The following TIAM2 variants were observed in gnomAD, a reference collection of about 807,000 sequenced individuals.
TIAM2 encodes TIAM Rac1 associated GEF 2.
Under a neutral mutation model 152.9 loss-of-function variants are expected in TIAM2, and 80 were observed. That is an observed-to-expected ratio of 0.52 (90% CI 0.44 to 0.63). The LOEUF (loss-of-function observed/expected upper bound fraction) is 0.63. Ranked by LOEUF, TIAM2 falls within the 30% of genes least tolerant of loss-of-function variation. The pLI, the probability that TIAM2 is intolerant of heterozygous loss-of-function variation, is 0.00. For missense variants in TIAM2, 1,965 were observed against 2,120.1 expected, an observed-to-expected ratio of 0.93 and a Z score of 1.44; for synonymous variants, 804 against 838.0, an observed-to-expected ratio of 0.96 and a Z score of 0.70.
At chr6:155,247,959 C>T in intron 19 of TIAM2, 41 bp from the exon 20 acceptor site, 1 of 1,587,696 alleles carries the variant, frequency 6.3e-7, no homozygotes, top group South Asian at 1.1e-5. Context: ...TTAATTCACC[C>T]CACTGTGCTC....
At chr6:155,073,669 GAA>G (rs924130111) in intron 1 of TIAM2, among the ~76,000 whole-genome samples, 2 of 148,160 alleles carry the variant, frequency 1.3e-5, no homozygotes, top group Non-Finnish European at 3.0e-5. Flanking sequence ...CAGCTGAGAA[GAA>G]AAAAAAAAGA....
At chr6:155,106,026 A>ATTTTATTTTATTTTTTT (rs1778679896) in intron 2 of TIAM2, among the ~76,000 whole-genome samples, 2 of 34,080 alleles carry the variant, frequency 5.9e-5, no homozygotes, top group Non-Finnish European at 1.2e-4. Context: ...TATTTTTTTG[A>ATTTTATTTTATTTTTTT]GAGAGAGTCT....
rs896685987 is a variant in TIAM2 at position 155,217,163 on chromosome 6, C to T, written c.3168+5856C>T. 5 of 1,274,360 alleles carry T rather than the reference C, an allele frequency of 3.9e-6. No homozygotes were observed. The Admixed American group carries it at 1.2e-4, about 32-fold the overall frequency. The allele number at this position is 1,274,360 out of a possible 1,614,324, so 78.9% of individuals were successfully genotyped here. A position where few individuals can be genotyped will look rare whatever the true frequency, so the allele number is the denominator to read the frequency against. On this transcript the variant is annotated intron_variant, in intron 15 of 26. Transcript: ENST00000682666. The stretch of plus-strand genomic sequence containing the variant: ...AATGTAGGCATGCTTGCACGGTTTC[C>T]TTTTCTTGATTGAAAGTTGATTTTG...
chr6:155,162,407 C>T (rs1780295497), intron 7 of TIAM2, among the ~76,000 whole-genome samples: 1 of 152,102 alleles, frequency 6.6e-6, no homozygotes, highest in Non-Finnish European at 1.5e-5. Context: ...TATTAGAAGA[C>T]AAAGGAATCC....
chr6:155,084,880 C>T (rs1043526160), intron 1 of TIAM2, among the ~76,000 whole-genome samples: 2 of 152,112 alleles, frequency 1.3e-5, no homozygotes, highest in Non-Finnish European at 2.9e-5. Flanking sequence ...ACGTGGGAGG[C>T]TGGTGAAAAT....
intron 1 of TIAM2, among the ~76,000 whole-genome samples, chr6:154,996,129 T>C (rs1778208326): frequency 6.6e-6 from 1 of 152,218 alleles, no homozygotes; most frequent in Non-Finnish European, 1.5e-5. Context: ...TAATGGATCC[T>C]ATTTACCAAA....
intron 1 of TIAM2, among the ~76,000 whole-genome samples, chr6:155,017,567 G>A (rs867747161): frequency 2.3e-4 from 34 of 148,882 alleles, no homozygotes; most frequent in East Asian, 3.9e-4. Flanking sequence ...GCAGTAGTGC[G>A]ATCTTGGCTC....
chr6:155,251,913 TAAAG>T, intron 22 of TIAM2, 28 bp from the exon 23 acceptor site: 1 of 1,556,230 alleles, frequency 6.4e-7, no homozygotes, highest in Non-Finnish European at 8.8e-7. Flanking sequence ...TTGCATAAAA[TAAAG>T]ACTTTCTTTC....
chr6:155,156,521 C>T lies in TIAM2; in HGVS notation c.2029-7894C>T, dbSNP rs1780119404. ...AATACAAAAATAATTAGCCAGGTGT[C>T]GTGGCGCATACCTGTAATCCCAGCT... On this transcript the variant is annotated intron_variant, in intron 7 of 26. Coordinates refer to ENST00000682666, the MANE Select transcript of TIAM2 (RefSeq NM_012454.4). The surrounding 1 kb of genome is among the most constrained non-coding windows in gnomAD (Gnocchi z 4.4). Among the ~76,000 whole-genome samples, 4 of 151,810 alleles carry T rather than the reference C, an allele frequency of 2.6e-5. No individual in the cohort carries two copies. The highest frequency in any genetic ancestry group is 2.1e-4 in the South Asian group (1 of 4,802).
In TIAM2 at chr6:155,183,222, C is replaced by G; in HGVS notation, c.2801-15C>G. The G allele has an allele frequency of 6.3e-7, 1 of 1,599,982 alleles. No homozygotes were observed. The highest frequency in any genetic ancestry group is 8.5e-7 in the Non-Finnish European group (1 of 1,173,546). ...TCCCTCTCTCTTTTTTCTGTTTCTC[C>G]TTCCTTTTTCTCAGGGCTGAGAAAG... On this transcript the variant is annotated splice_polypyrimidine_tract_variant and intron_variant, in intron 13 of 26. Transcript: ENST00000682666.
At chr6:155,099,631 T>C (rs950798270) in intron 2 of TIAM2, among the ~76,000 whole-genome samples, 11 of 152,198 alleles carry the variant, frequency 7.2e-5, no homozygotes, top group African/African-American at 1.4e-4. Flanking sequence ...CATAACAGTG[T>C]TGTGAGGTGA....
intron 1 of TIAM2, among the ~76,000 whole-genome samples, chr6:155,034,353 C>T (rs1310804589): frequency 6.6e-6 from 1 of 152,080 alleles, no homozygotes; most frequent in African/African-American, 2.4e-5. Context: ...CAGGTTCAAG[C>T]AATTCTCCTG....
intron 2 of TIAM2, among the ~76,000 whole-genome samples, chr6:155,123,931 T>C (rs2115028312): frequency 6.6e-6 from 1 of 152,348 alleles, no homozygotes; most frequent in African/African-American, 2.4e-5. Flanking sequence ...CCATTTGTAG[T>C]TCCCTCAGTT....
chr6:155,164,284 A>G (rs1327226505), intron 7 of TIAM2, 131 bp from the exon 8 acceptor site: 1 of 766,480 alleles, frequency 1.3e-6, no homozygotes, highest in Non-Finnish European at 2.0e-6. Context: ...GTGAGCAGGA[A>G]AGGCTAATTT....
chr6:155,081,101 AG>A (rs1778052624), intron 1 of TIAM2, among the ~76,000 whole-genome samples: 1 of 152,204 alleles, frequency 6.6e-6, no homozygotes, highest in Non-Finnish European at 1.5e-5. Context: ...AGGAAGGAAA[AG>A]TGTGACAGCT....
intron 1 of TIAM2, among the ~76,000 whole-genome samples, chr6:155,039,490 A>G (rs1339518194): frequency 6.6e-6 from 1 of 151,950 alleles, no homozygotes; most frequent in Non-Finnish European, 1.5e-5. Flanking sequence ...GAGGAGTACG[A>G]GAAGGTTCTT....
chr6:155,227,697 C>T (rs1000359047), intron 15 of TIAM2, among the ~76,000 whole-genome samples: 42 of 152,324 alleles, frequency 2.8e-4, no homozygotes, highest in African/African-American at 9.6e-4. Flanking sequence ...GAAATCTGGA[C>T]ACGACTTTTT....
At chr6:155,101,859 G>A (rs557217498) in intron 2 of TIAM2, among the ~76,000 whole-genome samples, 1 of 151,976 alleles carries the variant, frequency 6.6e-6, no homozygotes, top group Admixed American at 6.6e-5. Context: ...ACACTGCCAC[G>A]CCTGGCTATT....
intron 3 of TIAM2, among the ~76,000 whole-genome samples, chr6:155,128,694 C>CT (rs202087867): frequency 4.8e-3 from 603 of 125,114 alleles, no homozygotes; most frequent in Admixed American, 0.01. Context: ...GACCCCATAT[C>CT]TTTAAAAAAA....
Sources: gnomAD v4.1 joint callset for allele counts (sites outside exome capture counted in the v4.1 genomes callset) on GRCh38, gnomAD v4.1.1 for gene constraint, Gnocchi (gnomAD v3.1) non-coding constraint, MANE v1.5 for transcripts, NCBI Gene and HGNC (gene_info 2026-07-23, HGNC 2026-07-21) for gene names.